The following COPZ1 variants were observed in gnomAD, a reference collection of about 807,000 sequenced individuals.
COPZ1 encodes coat protein complex I subunit zeta 1.
A neutral mutation model predicts 31.7 loss-of-function variants in COPZ1; 4 were observed. The observed-to-expected ratio is 0.13, with a 90% CI of 0.06 to 0.29. The LOEUF (loss-of-function observed/expected upper bound fraction) is 0.29. Among genes scored for constraint, COPZ1 ranks in the 10% least tolerant of loss-of-function variants. The pLI is 1.00. For synonymous variants in COPZ1, 74 were observed against 79.0 expected (o/e 0.94, Z 0.33); for missense variants, 156 against 211.5 (o/e 0.74, Z 1.63).
At chr12:54,341,762 T>C (rs952940320) in intron 2 of COPZ1, among the ~76,000 whole-genome samples, 5 of 152,196 alleles carry the variant, frequency 3.3e-5, no homozygotes, top group African/African-American at 1.2e-4. Context: ...GAGGAGGTTT[T>C]TGTAGCCTTT....
intron 4 of COPZ1, chr12:54,344,999 C>T (rs571968458): frequency 6.5e-6 from 1 of 152,792 alleles, no homozygotes; most frequent in Admixed American, 6.5e-5. Context: ...AGCAATCGGC[C>T]TGCTGCAGCC....
intron 4 of COPZ1, chr12:54,344,751 C>CA (rs746930129): frequency 0.011 from 1,374 of 123,106 alleles, 9 homozygotes; most frequent in East Asian, 0.041. Context: ...GCCAGACTCT[C>CA]AAAAAAAAAA....
At chr12:54,325,228 C>T (rs766643898) in intron 1 of COPZ1, 47 bp downstream of exon 1, 9 of 1,546,250 alleles carry the variant, frequency 5.8e-6, no homozygotes, top group Non-Finnish European at 7.0e-6. Context: ...CCACAGGGGC[C>T]GGGAGTCAGG....
chr12:54,330,456 G>A (rs981951097), intron 1 of COPZ1, among the ~76,000 whole-genome samples: 2 of 152,068 alleles, frequency 1.3e-5, no homozygotes, highest in South Asian at 2.1e-4. Flanking sequence ...GATTTCCGAC[G>A]TATTTATATA....
At chr12:54,349,757 C>A in intron 8 of COPZ1, 99 bp downstream of exon 8, 1 of 991,872 alleles carries the variant, frequency 1.0e-6, no homozygotes, top group Non-Finnish European at 1.6e-6. Context: ...AAACTAGAGA[C>A]TCAAGACACA....
intron 5 of COPZ1, chr12:54,346,499 C>T (rs1954065754): frequency 8.4e-6 from 5 of 593,188 alleles, no homozygotes; most frequent in South Asian, 7.1e-5. Context: ...TCTTGAACTC[C>T]TGACCTCAAA....
chr12:54,345,637 A>T, intron 5 of COPZ1, 122 bp downstream of exon 5: 1 of 773,956 alleles, frequency 1.3e-6, no homozygotes, highest in Non-Finnish European at 2.2e-6. Flanking sequence ...GGATTGGCAA[A>T]GGCTCCAGGG....
intron 5 of COPZ1, among the ~76,000 whole-genome samples, chr12:54,346,150 T>C (rs1386200673): frequency 6.6e-6 from 1 of 152,048 alleles, no homozygotes; most frequent in Non-Finnish European, 1.5e-5. Context: ...ATCCTCAAGG[T>C]GCTTTCCTGG....
intron 5 of COPZ1, among the ~76,000 whole-genome samples, 200 bp from the exon 6 acceptor site, chr12:54,347,567 T>C (rs1399942705): frequency 6.6e-6 from 1 of 152,226 alleles, no homozygotes; most frequent in Non-Finnish European, 1.5e-5. Context: ...TTGAATCTCT[T>C]TCCATACATT....
chr12:54,335,837 A>T (rs1953853318), intron 1 of COPZ1, among the ~76,000 whole-genome samples: 1 of 151,574 alleles, frequency 6.6e-6, no homozygotes, highest in Admixed American at 6.6e-5. Context: ...ATGCCTGGCT[A>T]ATTTTTGTTT....
rs1260456406 is a variant in COPZ1 at position 54,342,240 on chromosome 12, A to T, written c.122A>T (p.Gln41Leu). ...YDDTYPSVKEQKAFEKNIFNK... is the reference protein window; with the variant it reads ...YDDTYPSVKELKAFEKNIFNK... ...GACACCTACCCCAGTGTCAAGGAGCAAAAGGCCTTTGAGAAGAACATTTTC... is the reference window on the plus strand; with the variant it reads ...GACACCTACCCCAGTGTCAAGGAGCTAAAGGCCTTTGAGAAGAACATTTTC... The change falls in exon 3 of 9, where the codon CAA becomes CTA. Residue 41 changes from glutamine (Q) to leucine (L), a missense_variant. Physicochemically the swap from Gln to Leu is moderately radical, Grantham distance 113. Coordinates refer to ENST00000262061, the MANE Select transcript of COPZ1 (RefSeq NM_016057.3). 1 of 1,613,846 alleles carries T rather than the reference A, an allele frequency of 6.2e-7. No homozygotes were observed. The highest frequency in any genetic ancestry group is 8.5e-7 in the Non-Finnish European group (1 of 1,179,782).
At chr12:54,350,061 A>C (rs1048857086) in intron 8 of COPZ1, 1 of 601,020 alleles carries the variant, frequency 1.7e-6, no homozygotes, top group African/African-American at 1.9e-5. Context: ...GGTTTTGCAG[A>C]TCCATCTTGC....
chr12:54,327,859 C>T (rs1953682726), intron 1 of COPZ1, among the ~76,000 whole-genome samples: 1 of 152,120 alleles, frequency 6.6e-6, no homozygotes, highest in African/African-American at 2.4e-5. Context: ...TTAGACTTAC[C>T]TATATATGTT....
intron 1 of COPZ1, among the ~76,000 whole-genome samples, chr12:54,336,415 C>T (rs1197629370): frequency 2.0e-5 from 3 of 151,958 alleles, no homozygotes; most frequent in African/African-American, 7.3e-5. Flanking sequence ...GTGGCAGGTG[C>T]GTGTAGTCCC....
chr12:54,334,964 A>G (rs1310647424), intron 1 of COPZ1, among the ~76,000 whole-genome samples: 1 of 152,086 alleles, frequency 6.6e-6, no homozygotes, highest in Non-Finnish European at 1.5e-5. Context: ...GCCTGAGTTC[A>G]GGAGTTCAGG....
At chr12:54,338,471 C>T (rs535926565) in intron 1 of COPZ1, among the ~76,000 whole-genome samples, 3 of 152,266 alleles carry the variant, frequency 2.0e-5, no homozygotes, top group South Asian at 2.1e-4. Context: ...AGAGGAGTTA[C>T]TCATGCCTTG....
At chr12:54,340,847 G>A (rs1408915208) in intron 2 of COPZ1, among the ~76,000 whole-genome samples, 2 of 151,808 alleles carry the variant, frequency 1.3e-5, no homozygotes, top group African/African-American at 2.4e-5. Flanking sequence ...TTACAGGCAC[G>A]CGCTACCACC....
chr12:54,348,064 G>A lies in COPZ1; in HGVS notation c.447+13G>A. 1 of 1,613,602 alleles carries A rather than the reference G, an allele frequency of 6.2e-7. No homozygotes were observed. Among genetic ancestry groups the A allele is most frequent in the Non-Finnish European group, 8.5e-7 (1 of 1,179,528 alleles). On this transcript the variant is annotated intron_variant, in intron 7 of 8. Transcript: ENST00000262061. ...GGTGGCATTAAGGGTAAGCAAGAAT[G>A]TGTTTCTTTGCATCCCCGCATCTAT... is the stretch of plus-strand genomic sequence containing the variant.
intron 5 of COPZ1, chr12:54,346,786 G>A: frequency 1.6e-6 from 1 of 612,706 alleles, no homozygotes; most frequent in African/African-American, 1.8e-5. Flanking sequence ...AGCCCAGGAG[G>A]TTGAGGCTGC....
Sources: gnomAD v4.1 joint callset for allele counts (sites outside exome capture counted in the v4.1 genomes callset) on GRCh38, gnomAD v4.1.1 for gene constraint, MANE v1.5 for transcripts, NCBI Gene and HGNC (gene_info 2026-07-23, HGNC 2026-07-21) for gene names.